The following PHLDB2 variants were observed in gnomAD, a reference collection of about 807,000 sequenced individuals.
PHLDB2 encodes pleckstrin homology like domain family B member 2.
Under a neutral mutation model 123.6 loss-of-function variants are expected in PHLDB2, and 71 were observed. The ratio of observed to expected loss-of-function variants is 0.57; its 90% CI spans 0.47 to 0.70. The LOEUF (loss-of-function observed/expected upper bound fraction) is 0.70, where lower values mean the gene tolerates loss of function less well. Among genes scored for constraint, PHLDB2 ranks in the 30% least tolerant of loss-of-function variants. PHLDB2 has a pLI of 0.00. For synonymous variants in PHLDB2, 547 were observed against 541.6 expected, an observed-to-expected ratio of 1.01 and a Z score of -0.14; for missense variants, 1,446 against 1,519.5, an observed-to-expected ratio of 0.95 and a Z score of 0.80.
At chr3:111,944,583 A>G (rs777034059) in intron 8 of PHLDB2, among the ~76,000 whole-genome samples, 5 of 152,342 alleles carry the variant, frequency 3.3e-5, no homozygotes, top group East Asian at 3.9e-4. Flanking sequence ...TATGTCATCA[A>G]CAACATCATG....
At chr3:111,812,229 C>T (rs552577017) in intron 1 of PHLDB2, among the ~76,000 whole-genome samples, 6 of 152,286 alleles carry the variant, frequency 3.9e-5, no homozygotes, top group Admixed American at 3.9e-4. Flanking sequence ...TATATCCAGG[C>T]CATCTTTCTG....
At chr3:111,738,311 A>G (rs2059544927) in intron 1 of PHLDB2, among the ~76,000 whole-genome samples, 2 of 152,184 alleles carry the variant, frequency 1.3e-5, no homozygotes, top group Admixed American at 1.3e-4. Flanking sequence ...AAAATAGCCC[A>G]ACAGAGGCAT....
intron 1 of PHLDB2, among the ~76,000 whole-genome samples, chr3:111,734,288 G>A (rs1442544533): frequency 6.6e-6 from 1 of 152,210 alleles, no homozygotes; most frequent in African/African-American, 2.4e-5. Context: ...GTGATCAAAT[G>A]CATTGGCTAG....
intron 2 of PHLDB2, among the ~76,000 whole-genome samples, chr3:111,910,545 C>T (rs10934123): frequency 0.32 from 49,226 of 151,994 alleles, 8,409 homozygotes; most frequent in East Asian, 0.64. Flanking sequence ...TCACAGTTTG[C>T]CAGGACCAAC....
chr3:111,960,543 C>G (rs1157966294), intron 12 of PHLDB2, among the ~76,000 whole-genome samples: 4 of 152,170 alleles, frequency 2.6e-5, no homozygotes, highest in African/African-American at 4.8e-5. Context: ...TTTTGACATA[C>G]AATGCTTTGT....
intron 1 of PHLDB2, among the ~76,000 whole-genome samples, chr3:111,875,111 T>C (rs1409385816): frequency 6.6e-6 from 1 of 152,082 alleles, no homozygotes; most frequent in Non-Finnish European, 1.5e-5. Flanking sequence ...TTGGAAAAAA[T>C]GTTGCAGTCT....
At chr3:111,870,492 A>G (rs1436457031) in intron 1 of PHLDB2, among the ~76,000 whole-genome samples, 1 of 152,154 alleles carries the variant, frequency 6.6e-6, no homozygotes, top group African/African-American at 2.4e-5. Flanking sequence ...GAATATTGCT[A>G]GGAAGTGGTT....
At position 111,884,898 on chromosome 3, in the gene PHLDB2, C is replaced by G; in HGVS notation, c.821C>G (p.Pro274Arg). 1.2e-6 allele frequency: 2 copies of G among 1,614,098 alleles called. No individual in the cohort carries two copies. The highest frequency in any genetic ancestry group is 1.7e-6 in the Non-Finnish European group (2 of 1,180,008). ...ENQLTPLSLP[P>R]RNSLGNSKRT... The stretch of plus-strand genomic sequence containing the variant: ...CAGCTGACACCTCTCAGCTTGCCTC[C>G]AAGAAACTCTCTGGGCAATTCCAAA... The change falls in exon 2 of 18, where the codon CCA (proline) becomes CGA (arginine). Residue 274 changes from proline (P) to arginine (R), a missense_variant. Pro to Arg is a moderately radical substitution (Grantham distance 103, BLOSUM62 -2). Around this residue, in one of 3 missense-constraint regions of PHLDB2, gnomAD observed 832 missense variants for 831.9 expected, o/e 1.00. Coordinates refer to ENST00000431670, the MANE Select transcript of PHLDB2 (RefSeq NM_001134438.2).
chr3:111,973,937 A>T, intron 17 of PHLDB2, 120 bp downstream of exon 17: 1 of 569,626 alleles, frequency 1.8e-6, no homozygotes, highest in Non-Finnish European at 3.1e-6. Context: ...TATGATCAGA[A>T]TGGTGCTGGA....
At chr3:111,960,220 A>G (rs1227626151) in intron 12 of PHLDB2, 1 of 751,572 alleles carries the variant, frequency 1.3e-6, no homozygotes, top group Non-Finnish European at 1.6e-6. Context: ...CTTCCTTAAA[A>G]AAAGACGCAG....
intron 6 of PHLDB2, 118 bp downstream of exon 6, chr3:111,932,515 A>C: frequency 9.5e-7 from 1 of 1,049,574 alleles, no homozygotes; most frequent in South Asian, 1.9e-5. Flanking sequence ...AGTTCTAGTC[A>C]TTAGATACGT....
Position 111,795,965 on chromosome 3 carries a change from C to T in PHLDB2, c.-48-49856C>T, listed in dbSNP as rs550316807. ...AGGCTGGAGTGCAGTGGCGCGATCT[C>T]GGCTGACTGCAACCTCCGCCCTCTG... is the stretch of plus-strand genomic sequence containing the variant. On this transcript the variant is annotated intron_variant, in intron 1 of 17. Transcript: ENST00000393923. Among the ~76,000 whole-genome samples, 11 of 152,180 alleles carry T rather than the reference C, an allele frequency of 7.2e-5. No homozygotes were observed. In the South Asian group the frequency reaches 1.2e-3, roughly 17 times the overall value.
chr3:111,783,059 A>G (rs921763007), intron 1 of PHLDB2, among the ~76,000 whole-genome samples: 1 of 152,084 alleles, frequency 6.6e-6, no homozygotes, highest in Non-Finnish European at 1.5e-5. Flanking sequence ...CCAGGACAGC[A>G]CTTTCTAAAA....
At chr3:111,943,932 G>A (rs1015171540) in intron 8 of PHLDB2, among the ~76,000 whole-genome samples, 1 of 152,120 alleles carries the variant, frequency 6.6e-6, no homozygotes, top group Non-Finnish European at 1.5e-5. Flanking sequence ...ACTGTTTAAA[G>A]TAGTTTTTTC....
intron 1 of PHLDB2, among the ~76,000 whole-genome samples, chr3:111,872,708 A>G (rs915038505): frequency 6.6e-6 from 1 of 152,082 alleles, no homozygotes; most frequent in African/African-American, 2.4e-5. Context: ...TCACACCTAA[A>G]ATGAAAAGGG....
intron 12 of PHLDB2, chr3:111,960,239 A>G (rs2071314362): frequency 2.1e-6 from 1 of 480,920 alleles, no homozygotes; most frequent in Non-Finnish European, 2.7e-6. Context: ...AGCTTCACGC[A>G]TGTGACTATA....
rs530141766 is a variant in PHLDB2, at chr3:111,774,255, T to G, written c.-49+41552T>G. Reference sequence around the variant, plus strand: ...AAGGCTGTGAGAGGTATCTGGGTGATGGATGTGCTTCAGGAATGCATTTCA... The same window carrying G: ...AAGGCTGTGAGAGGTATCTGGGTGAGGGATGTGCTTCAGGAATGCATTTCA... On this transcript the variant is annotated intron_variant, in intron 1 of 17. Transcript: ENST00000393923. Among the ~76,000 whole-genome samples the G allele has an allele frequency of 2.6e-5, 4 of 152,276 alleles. No individual in the cohort carries two copies. In the South Asian group the frequency reaches 8.3e-4, roughly 32 times the overall value.
intron 1 of PHLDB2, among the ~76,000 whole-genome samples, chr3:111,819,873 A>G (rs1322461868): frequency 2.0e-5 from 3 of 152,236 alleles, no homozygotes; most frequent in Non-Finnish European, 4.4e-5. Flanking sequence ...ACATTTATCA[A>G]ATAAATTACT....
rs747395957 is a variant in PHLDB2 at position 111,884,598 on chromosome 3, G to T, written c.521G>T (p.Gly174Val). ...GGGCTGGAAGGTCGGAAGGCATCTGGCTCGCTCCTGGCCATGTGGAATGGA... is the reference window on the plus strand; with the variant it reads ...GGGCTGGAAGGTCGGAAGGCATCTGTCTCGCTCCTGGCCATGTGGAATGGA... ...LGGLEGRKASGSLLAMWNGSS... is the reference protein window; with the variant it reads ...LGGLEGRKASVSLLAMWNGSS... Residue 174 changes from glycine (G) to valine (V), a missense_variant, in exon 2 of 18, where the codon GGC becomes GTC. Transcript: ENST00000431670. The T allele has an allele frequency of 6.2e-7, 1 of 1,614,114 alleles. No homozygotes were observed. The highest frequency in any genetic ancestry group is 8.5e-7 in the Non-Finnish European group (1 of 1,180,020).
Sources: allele counts gnomAD v4.1 joint callset (sites outside exome capture counted in the v4.1 genomes callset), GRCh38; gene constraint gnomAD v4.1.1; regional missense constraint gnomAD v4.1.1; transcripts MANE v1.5; gene names NCBI Gene and HGNC (gene_info 2026-07-23, HGNC 2026-07-21).